Variants in ELOVL6 observed in about 807,000 individuals in gnomAD.
ELOVL6 encodes the protein ELOVL fatty acid elongase 6.
Under a neutral mutation model 31.7 loss-of-function variants are expected in ELOVL6, and 8 were observed. The observed-to-expected ratio is 0.25, with a 90% CI of 0.15 to 0.45. The LOEUF (loss-of-function observed/expected upper bound fraction) is 0.45, where lower values mean the gene tolerates loss of function less well. ELOVL6 is among the 20% of genes least tolerant of loss of function. The probability of loss-of-function intolerance (pLI) is 1.00; values close to 1 mark genes in which losing one functional copy is unlikely to be tolerated. For synonymous variants in ELOVL6, 101 were observed against 117.7 expected (o/e 0.86, Z 0.92); for missense variants, 126 against 326.4 (o/e 0.39, Z 4.73).
chr4:110,052,996 C>G (rs538402164), intron 3 of ELOVL6, among the ~76,000 whole-genome samples: 1 of 152,274 alleles, frequency 6.6e-6, no homozygotes, highest in African/African-American at 2.4e-5. Flanking sequence ...CACCTACGTG[C>G]CATCGCAGCT....
chr4:110,167,976 G>T (rs555596176), intron 1 of ELOVL6, among the ~76,000 whole-genome samples: 1 of 152,040 alleles, frequency 6.6e-6, no homozygotes, highest in Non-Finnish European at 1.5e-5. Flanking sequence ...TTGTATTTTT[G>T]ATATATAATT....
intron 1 of ELOVL6, among the ~76,000 whole-genome samples, chr4:110,118,308 AC>A (rs1013834896): frequency 6.6e-6 from 1 of 151,732 alleles, no homozygotes; most frequent in Non-Finnish European, 1.5e-5. Context: ...CCAAGACACC[AC>A]CCCCCTAACT....
At chr4:110,122,923 C>T (rs1352019697) in intron 1 of ELOVL6, among the ~76,000 whole-genome samples, 1 of 152,136 alleles carries the variant, frequency 6.6e-6, no homozygotes, top group African/African-American at 2.4e-5. Context: ...GGTCAAGTTG[C>T]CTATCCCTTC....
At chr4:110,158,802 A>G (rs1758548587) in intron 1 of ELOVL6, among the ~76,000 whole-genome samples, 1 of 151,516 alleles carries the variant, frequency 6.6e-6, no homozygotes, top group African/African-American at 2.4e-5. Context: ...CTGGGACTAC[A>G]GGCGCATGCC....
intron 1 of ELOVL6, among the ~76,000 whole-genome samples, chr4:110,160,796 T>C (rs1230016160): frequency 6.6e-6 from 1 of 152,210 alleles, no homozygotes; most frequent in South Asian, 2.1e-4. Context: ...GGATAAGAGA[T>C]ATGATCATGC....
chr4:110,088,654 T>C (rs1336278179), intron 2 of ELOVL6, among the ~76,000 whole-genome samples: 1 of 152,216 alleles, frequency 6.6e-6, no homozygotes, highest in African/African-American at 2.4e-5. Flanking sequence ...CTGGCTTCTC[T>C]TTGGCATATC....
intron 2 of ELOVL6, among the ~76,000 whole-genome samples, chr4:110,079,036 A>C (rs9761307): frequency 0.44 from 66,664 of 151,848 alleles, 15,266 homozygotes; most frequent in African/African-American, 0.57. Context: ...ACAAGAAGAG[A>C]TAACTATCCT....
intron 1 of ELOVL6, among the ~76,000 whole-genome samples, chr4:110,137,513 C>T (rs1224088301): frequency 1.3e-5 from 2 of 152,106 alleles, no homozygotes; most frequent in Non-Finnish European, 2.9e-5. Context: ...ATTTGATAAG[C>T]TGTTTTGACT....
Position 110,051,328 on chromosome 4 carries a change from A to G in ELOVL6, c.*10T>C. ...GACCCTGAGCTATGGCTTCCTCCTC[A>G]GTTCCAACACTATTCAGCTTTCGTT... On this transcript the variant is annotated 3_prime_UTR_variant, in exon 4 of 4. Coordinates refer to ENST00000302274, the MANE Select transcript of ELOVL6 (RefSeq NM_024090.3). The surrounding 1 kb of genome is among the most constrained non-coding windows in gnomAD (Gnocchi z 4.8). 1.9e-6 allele frequency: 3 copies of G among 1,610,446 alleles called. No individual in the cohort carries two copies. The highest frequency in any genetic ancestry group is 2.5e-6 in the Non-Finnish European group (3 of 1,177,476).
chr4:110,139,612 T>C (rs1440037692), intron 1 of ELOVL6, among the ~76,000 whole-genome samples: 1 of 152,192 alleles, frequency 6.6e-6, no homozygotes, highest in Non-Finnish European at 1.5e-5. Flanking sequence ...AATTGCTATA[T>C]AGCTGACTTC....
chr4:110,112,641 G>T (rs4698811), intron 1 of ELOVL6, among the ~76,000 whole-genome samples: 1 of 151,842 alleles, frequency 6.6e-6, no homozygotes, highest in Non-Finnish European at 1.5e-5. Flanking sequence ...GGGAGGCTGA[G>T]GGGGGTGGAT....
intron 2 of ELOVL6, among the ~76,000 whole-genome samples, chr4:110,081,897 G>T (rs1755867784): frequency 6.6e-6 from 1 of 150,454 alleles, no homozygotes; most frequent in Non-Finnish European, 1.5e-5. Context: ...AAATTTACAA[G>T]AAAAAAACAA....
intron 1 of ELOVL6, among the ~76,000 whole-genome samples, chr4:110,164,747 A>AG (rs1180692902): frequency 1.6e-5 from 2 of 125,048 alleles, no homozygotes; most frequent in African/African-American, 5.4e-5. Context: ...TCAAAAAAAA[A>AG]AAAAAAAAGA....
At chr4:110,113,877 G>A (rs1432306380) in intron 1 of ELOVL6, among the ~76,000 whole-genome samples, 1 of 152,188 alleles carries the variant, frequency 6.6e-6, no homozygotes, top group Non-Finnish European at 1.5e-5. Context: ...TTTTCTTGAA[G>A]AAATACTCTT....
At chr4:110,134,796 C>CA (rs1757769263) in intron 1 of ELOVL6, among the ~76,000 whole-genome samples, 2 of 151,972 alleles carry the variant, frequency 1.3e-5, no homozygotes, top group South Asian at 4.2e-4. Flanking sequence ...CTCATCTCTA[C>CA]AAAAAATTTT....
At chr4:110,077,570 A>G (rs1443699310) in intron 2 of ELOVL6, among the ~76,000 whole-genome samples, 1 of 152,220 alleles carries the variant, frequency 6.6e-6, no homozygotes, top group Admixed American at 6.5e-5. Context: ...AAGGACATCC[A>G]CACCAAAACT....
intron 1 of ELOVL6, among the ~76,000 whole-genome samples, chr4:110,174,348 T>C (rs1759038858): frequency 6.6e-6 from 1 of 152,036 alleles, no homozygotes; most frequent in Admixed American, 6.6e-5. Flanking sequence ...GTATTTTCAG[T>C]AGAGATGGGG....
chr4:110,169,381 G>A (rs1758877031), intron 1 of ELOVL6, among the ~76,000 whole-genome samples: 1 of 151,920 alleles, frequency 6.6e-6, no homozygotes, highest in South Asian at 2.1e-4. Context: ...TGGGACTACA[G>A]GTGCCTAACA....
chr4:110,119,085 A>G (rs1757270005), intron 1 of ELOVL6, among the ~76,000 whole-genome samples: 1 of 152,228 alleles, frequency 6.6e-6, no homozygotes, highest in African/African-American at 2.4e-5. Context: ...AAAATTAATA[A>G]AAATTGAGAG....
Sources: allele counts gnomAD v4.1 joint callset (sites outside exome capture counted in the v4.1 genomes callset), GRCh38; gene constraint gnomAD v4.1.1; non-coding constraint Gnocchi (gnomAD v3.1); transcripts MANE v1.5; gene names NCBI Gene and HGNC (gene_info 2026-07-23, HGNC 2026-07-21).